PIGF: variants seen among roughly 807,000 people sequenced by gnomAD.
PIGF encodes the protein phosphatidylinositol glycan anchor biosynthesis class F, also known as GPI ethanolamine phosphate transferase, stabilizing subunit.
Under a neutral mutation model 26.0 loss-of-function variants are expected in PIGF, and 23 were observed. The observed-to-expected ratio is 0.88, with a 90% CI of 0.64 to 1.25. PIGF has a LOEUF of 1.25. PIGF is among the 50% of genes most tolerant of loss of function. The pLI is 0.00. For missense variants in PIGF, 278 were observed against 249.9 expected (o/e 1.11, Z -0.76); for synonymous variants, 93 against 92.6 (o/e 1.00, Z -0.03).
At chr2:46,607,844 ACC>A (rs1670274069) in intron 4 of PIGF, among the ~76,000 whole-genome samples, 4 of 151,908 alleles carry the variant, frequency 2.6e-5, no homozygotes, top group South Asian at 2.1e-4. Context: ...ACAGGGGCCT[ACC>A]AGCACGCCCA....
At chr2:46,584,925 T>A (rs1343468578) in intron 5 of PIGF, among the ~76,000 whole-genome samples, 1 of 152,198 alleles carries the variant, frequency 6.6e-6, no homozygotes. Flanking sequence ...ATTCTAAAAA[T>A]TTTTAAACTA....
At chr2:46,586,004 G>C (rs1451907631) in intron 5 of PIGF, among the ~76,000 whole-genome samples, 1 of 152,144 alleles carries the variant, frequency 6.6e-6, no homozygotes, top group East Asian at 1.9e-4. Flanking sequence ...TCGATCTCCT[G>C]ACCTCGTGAT....
chr2:46,586,255 T>C (rs1224812315), intron 5 of PIGF, among the ~76,000 whole-genome samples: 2 of 152,194 alleles, frequency 1.3e-5, no homozygotes, highest in Non-Finnish European at 2.9e-5. Flanking sequence ...TAAGTACAGA[T>C]AGTGGTTTTA....
At chr2:46,602,427 G>T (rs937084161) in intron 4 of PIGF, among the ~76,000 whole-genome samples, 8 of 151,810 alleles carry the variant, frequency 5.3e-5, no homozygotes. Flanking sequence ...TTAAAAACTA[G>T]TATATAAACT....
At chr2:46,592,345 G>T in intron 5 of PIGF, 130 bp downstream of exon 5, 1 of 630,732 alleles carries the variant, frequency 1.6e-6, no homozygotes, top group Non-Finnish European at 2.9e-6. Context: ...AGATTACAGT[G>T]ACTGATAGAA....
At chr2:46,612,792 G>C (rs954367441) in intron 3 of PIGF, among the ~76,000 whole-genome samples, 1 of 152,088 alleles carries the variant, frequency 6.6e-6, no homozygotes, top group African/African-American at 2.4e-5. Flanking sequence ...CTGGAGAGCT[G>C]GATAAACTAA....
chr2:46,602,790 G>A lies in PIGF; in HGVS notation c.437+9438C>T, dbSNP rs77352458. ...GTAGGAAAAAGCATGTACTATTCAT[G>A]TATTTTGTACAATCTCCTTGAATAA... On this transcript the variant is annotated intron_variant, in intron 4 of 5. Coordinates refer to ENST00000281382, the MANE Select transcript of PIGF (RefSeq NM_002643.4). 4.9e-3 allele frequency among the ~76,000 whole-genome samples: 744 copies of A among 151,964 alleles called. 7 individuals are homozygous for A. Among genetic ancestry groups the A allele is most frequent in the African/African-American group, 0.017 (703 of 41,532 alleles).
intron 5 of PIGF, among the ~76,000 whole-genome samples, chr2:46,587,897 T>C (rs1019434247): frequency 2.0e-5 from 3 of 152,166 alleles, no homozygotes; most frequent in Non-Finnish European, 4.4e-5. Flanking sequence ...GCTATGACCA[T>C]TTTTTAAAAA....
intron 4 of PIGF, among the ~76,000 whole-genome samples, chr2:46,604,322 T>C (rs926134236): frequency 2.6e-5 from 4 of 151,608 alleles, no homozygotes; most frequent in African/African-American, 9.7e-5. Flanking sequence ...CAAAAACAGA[T>C]CTACCATATG....
At chr2:46,604,067 T>C (rs1670143035) in intron 4 of PIGF, among the ~76,000 whole-genome samples, 1 of 152,040 alleles carries the variant, frequency 6.6e-6, no homozygotes, top group Non-Finnish European at 1.5e-5. Context: ...TGAATAGACA[T>C]TTCTCAAAAA....
intron 4 of PIGF, among the ~76,000 whole-genome samples, chr2:46,608,019 T>C (rs1670279667): frequency 1.3e-5 from 2 of 152,184 alleles, no homozygotes; most frequent in African/African-American, 4.8e-5. Context: ...AAAGTGAAAT[T>C]TTAACCATGA....
At chr2:46,584,620 A>G (rs1039110099) in intron 5 of PIGF, among the ~76,000 whole-genome samples, 3 of 152,176 alleles carry the variant, frequency 2.0e-5, no homozygotes, top group African/African-American at 4.8e-5. Flanking sequence ...TTGGTTATTC[A>G]TGTTATGTAA....
chr2:46,602,321 T>C (rs769591641), intron 4 of PIGF, among the ~76,000 whole-genome samples: 1 of 151,988 alleles, frequency 6.6e-6, no homozygotes, highest in Non-Finnish European at 1.5e-5. Context: ...ATGTAGTTCC[T>C]ATACAGTTCA....
intron 1 of PIGF, chr2:46,616,387 C>T (rs766314093): frequency 6.6e-6 from 1 of 152,428 alleles, no homozygotes; most frequent in African/African-American, 2.4e-5. Context: ...AGCGATTTTT[C>T]TGAGCCACCC....
chr2:46,592,649 A>C, intron 4 of PIGF, 66 bp from the exon 5 acceptor site: 1 of 780,408 alleles, frequency 1.3e-6, no homozygotes. Flanking sequence ...TCCAACAAGC[A>C]CTAGCACACA....
Position 46,613,788 on chromosome 2 carries a change from A to G in PIGF, c.229-3T>C. The G allele has an allele frequency of 6.5e-7, 1 of 1,534,202 alleles. No homozygotes were observed. Among genetic ancestry groups the G allele is most frequent in the East Asian group, 2.3e-5 (1 of 44,258 alleles). Reference sequence around the variant, plus strand: ...CAGCATTTCAAAAATCCAGTTACCTAAAAGAGAAATGAATAACCTGAAGAT... The same window carrying G: ...CAGCATTTCAAAAATCCAGTTACCTGAAAGAGAAATGAATAACCTGAAGAT... On this transcript the variant is annotated splice_polypyrimidine_tract_variant and splice_region_variant and intron_variant, in intron 2 of 5. Coordinates refer to ENST00000281382, the MANE Select transcript of PIGF (RefSeq NM_002643.4).
chr2:46,601,357 A>G (rs577181500), intron 4 of PIGF, among the ~76,000 whole-genome samples: 77 of 152,260 alleles, frequency 5.1e-4, no homozygotes, highest in African/African-American at 1.8e-3. Flanking sequence ...ACTGGAATTC[A>G]TTACATCAAA....
intron 4 of PIGF, among the ~76,000 whole-genome samples, chr2:46,601,214 T>C (rs901432041): frequency 2.0e-5 from 3 of 152,110 alleles, no homozygotes; most frequent in African/African-American, 7.2e-5. Flanking sequence ...TTAAGGAATA[T>C]ATGCACAGTC....
At chr2:46,613,602 T>A in intron 3 of PIGF, 92 bp downstream of exon 3, 1 of 862,430 alleles carries the variant, frequency 1.2e-6, no homozygotes, top group Non-Finnish European at 1.8e-6. Context: ...ATGATGCACA[T>A]CATGGTTTTT....
Sources: gnomAD v4.1 joint callset for allele counts (sites outside exome capture counted in the v4.1 genomes callset) on GRCh38, gnomAD v4.1.1 for gene constraint, MANE v1.5 for transcripts, NCBI Gene and HGNC (gene_info 2026-07-23, HGNC 2026-07-21) for gene names.